MLLT3: variants seen among roughly 807,000 people sequenced by gnomAD.
MLLT3 encodes MLLT3 super elongation complex subunit.
In MLLT3, 4 loss-of-function variants were observed where a neutral mutation model predicts 53.2. The ratio of observed to expected loss-of-function variants is 0.08; its 90% CI spans 0.04 to 0.17. MLLT3 has a LOEUF of 0.17. Ranked by LOEUF, MLLT3 falls within the 10% of genes least tolerant of loss-of-function variation. The pLI is 1.00. For missense variants in MLLT3, 569 were observed against 684.0 expected (o/e 0.83, Z 1.87); for synonymous variants, 283 against 230.6 (o/e 1.23, Z -2.06).
At chr9:20,434,254 T>C (rs1469525876) in intron 4 of MLLT3, among the ~76,000 whole-genome samples, 1 of 152,082 alleles carries the variant, frequency 6.6e-6, no homozygotes, top group African/African-American at 2.4e-5. Flanking sequence ...TGTAGTTATA[T>C]AAGAGAATGC....
intron 2 of MLLT3, among the ~76,000 whole-genome samples, chr9:20,549,393 C>T (rs1435667131): frequency 2.6e-5 from 4 of 152,220 alleles, no homozygotes; most frequent in African/African-American, 7.2e-5. Context: ...ACAACAACAA[C>T]GACTAACTCA....
intron 2 of MLLT3, among the ~76,000 whole-genome samples, chr9:20,528,022 T>C (rs1818244378): frequency 6.6e-6 from 1 of 152,250 alleles, no homozygotes; most frequent in South Asian, 2.1e-4. Flanking sequence ...TTTATTAAAA[T>C]CCCTAATTAT....
In MLLT3 at chr9:20,621,454, A is replaced by ATACACACTGAAACACC. The variant is rs1217094235; in HGVS notation, c.13-621_13-620insGGTGTTTCAGTGTGTA. On this transcript the variant is annotated intron_variant, in intron 1 of 10. Transcript: ENST00000380338. The surrounding 1 kb of genome is among the most constrained non-coding windows in gnomAD (Gnocchi z 7.0). ...GACGTCGTCATACACACTGAAACAC[A>ATACACACTGAAACACC]CACACACGCCCGCAGGAAAACACGC... Among the ~76,000 whole-genome samples the ATACACACTGAAACACC allele has an allele frequency of 2.6e-5, 4 of 152,070 alleles. No homozygotes were observed. Among genetic ancestry groups the ATACACACTGAAACACC allele is most frequent in the African/African-American group, 9.7e-5 (4 of 41,410 alleles).
intron 3 of MLLT3, among the ~76,000 whole-genome samples, chr9:20,453,088 T>C (rs1269205867): frequency 6.6e-6 from 1 of 152,204 alleles, no homozygotes; most frequent in Admixed American, 6.5e-5. Context: ...TAGATCAGAC[T>C]ATAGCAAATA....
intron 2 of MLLT3, among the ~76,000 whole-genome samples, chr9:20,487,467 G>A (rs1563782488): frequency 6.6e-6 from 1 of 152,046 alleles, no homozygotes; most frequent in East Asian, 1.9e-4. Flanking sequence ...ACTCGTAAGA[G>A]AAAAAACCTA....
At chr9:20,475,415 G>A (rs188732062) in intron 2 of MLLT3, among the ~76,000 whole-genome samples, 49 of 152,086 alleles carry the variant, frequency 3.2e-4, no homozygotes, top group African/African-American at 1.1e-3. Context: ...TATCTTAATG[G>A]TATAATTTCA....
At chr9:20,482,020 C>T (rs1246324572) in intron 2 of MLLT3, among the ~76,000 whole-genome samples, 1 of 152,196 alleles carries the variant, frequency 6.6e-6, no homozygotes, top group Non-Finnish European at 1.5e-5. Context: ...TCCTCTCCTA[C>T]CTGTCTAGTT....
chr9:20,437,892 T>C (rs1823445451), intron 4 of MLLT3, among the ~76,000 whole-genome samples: 1 of 152,218 alleles, frequency 6.6e-6, no homozygotes, highest in Non-Finnish European at 1.5e-5. Flanking sequence ...GGCTACATTA[T>C]TCAGCTGGTC....
At chr9:20,499,874 G>A (rs1825175387) in intron 2 of MLLT3, among the ~76,000 whole-genome samples, 1 of 151,468 alleles carries the variant, frequency 6.6e-6, no homozygotes, top group African/African-American at 2.4e-5. Flanking sequence ...AATCCAGCCT[G>A]GACATCATAG....
chr9:20,557,480 A>G (rs1461673372), intron 2 of MLLT3, among the ~76,000 whole-genome samples: 1 of 152,210 alleles, frequency 6.6e-6, no homozygotes, highest in Non-Finnish European at 1.5e-5. Flanking sequence ...AGTTTTTGCC[A>G]CATCATCGTT....
rs547083841 is a variant in MLLT3 at position 20,418,824 on chromosome 9, C to T, written c.421-4399G>A. On this transcript the variant is annotated intron_variant, in intron 4 of 10. Transcript: ENST00000380338. The stretch of plus-strand genomic sequence containing the variant: ...CGCACACAGGTATGGCCAGCCTTCC[C>T]AGCACTCAGAAGGCACTTGATACAG... Among the ~76,000 whole-genome samples the T allele has an allele frequency of 2.0e-5, 3 of 152,238 alleles. No homozygotes were observed. In the South Asian group the frequency reaches 6.2e-4, roughly 32 times the overall value.
chr9:20,593,593 T>C (rs1045367840), intron 2 of MLLT3, among the ~76,000 whole-genome samples: 3 of 152,224 alleles, frequency 2.0e-5, no homozygotes, highest in African/African-American at 7.2e-5. Flanking sequence ...CTATGGTACA[T>C]CTGTTATTAG....
chr9:20,574,161 C>G (rs1819597622), intron 2 of MLLT3, among the ~76,000 whole-genome samples: 2 of 152,176 alleles, frequency 1.3e-5, no homozygotes, highest in Non-Finnish European at 2.9e-5. Flanking sequence ...GCATTTCTAA[C>G]AAGTTCCTAG....
intron 2 of MLLT3, among the ~76,000 whole-genome samples, chr9:20,514,047 G>A (rs1817836684): frequency 6.6e-6 from 1 of 151,948 alleles, no homozygotes; most frequent in Non-Finnish European, 1.5e-5. Flanking sequence ...GTGGGTAGGT[G>A]GTCCTCTCCC....
intron 2 of MLLT3, among the ~76,000 whole-genome samples, chr9:20,578,347 A>G (rs1380432886): frequency 3.9e-5 from 6 of 152,172 alleles, no homozygotes; most frequent in Non-Finnish European, 8.8e-5. Context: ...ATAATGAAAA[A>G]CAGGGATTGA....
intron 5 of MLLT3, among the ~76,000 whole-genome samples, chr9:20,393,669 A>C (rs1465407865): frequency 1.3e-5 from 2 of 152,216 alleles, no homozygotes; most frequent in East Asian, 3.8e-4. Context: ...TATGCCTTAC[A>C]TAACCACTTT....
intron 5 of MLLT3, among the ~76,000 whole-genome samples, chr9:20,395,584 G>C (rs528130064): frequency 1.3e-5 from 2 of 152,238 alleles, no homozygotes; most frequent in East Asian, 3.9e-4. Flanking sequence ...TGTTGGCTAT[G>C]TGTTTACTGC....
At chr9:20,529,724 C>CTTTTTTTTT (rs5896896) in intron 2 of MLLT3, among the ~76,000 whole-genome samples, 6 of 76,408 alleles carry the variant, frequency 7.9e-5, no homozygotes, top group Non-Finnish European at 1.2e-4. Context: ...TAATCCAATC[C>CTTTTTTTTT]TTTTTTTTTT....
In MLLT3 at chr9:20,398,498, C is replaced by A. The variant is rs139616617; in HGVS notation, c.1125+15223G>T. Among the ~76,000 whole-genome samples the A allele has an allele frequency of 5.2e-4, 79 of 152,234 alleles. No individual in the cohort carries two copies. In the East Asian group the frequency reaches 0.015, roughly 29 times the overall value. On this transcript the variant is annotated intron_variant, in intron 5 of 10. Transcript: ENST00000380338. The stretch of plus-strand genomic sequence containing the variant: ...TTGACAATTATGCAACCTGAGGACA[C>A]AGAAATTGGGGGAGTGGGGGAAGCA...
Sources: allele counts gnomAD v4.1 joint callset (sites outside exome capture counted in the v4.1 genomes callset), GRCh38; gene constraint gnomAD v4.1.1; non-coding constraint Gnocchi (gnomAD v3.1); transcripts MANE v1.5; gene names NCBI Gene and HGNC (gene_info 2026-07-23, HGNC 2026-07-21).